The following HIPK2 variants were observed in gnomAD, a reference collection of about 807,000 sequenced individuals.
The protein encoded by HIPK2 is homeodomain interacting protein kinase 2.
In HIPK2, 27 loss-of-function variants were observed where a neutral mutation model predicts 113.7. The ratio of observed to expected loss-of-function variants is 0.24; its 90% CI spans 0.17 to 0.33. The LOEUF is 0.33. Among genes scored for constraint, HIPK2 ranks in the 10% least tolerant of loss-of-function variants. The pLI is 1.00. For missense variants in HIPK2, 1,257 were observed against 1,588.0 expected (o/e 0.79, Z 3.54); for synonymous variants, 631 against 642.2 (o/e 0.98, Z 0.26).
intron 2 of HIPK2, among the ~76,000 whole-genome samples, chr7:139,644,154 T>A (rs1253762582): frequency 6.6e-6 from 1 of 152,242 alleles, no homozygotes; most frequent in Non-Finnish European, 1.5e-5. Context: ...CCAGGCTCTT[T>A]TTAAATGTTT....
At chr7:139,601,222 G>A (rs1276326050) in intron 10 of HIPK2, among the ~76,000 whole-genome samples, 1 of 149,310 alleles carries the variant, frequency 6.7e-6, no homozygotes, top group African/African-American at 2.5e-5. Context: ...CAGCCTGGGT[G>A]ACAGAGCGAG....
At chr7:139,588,499 C>T (rs1798911655) in intron 12 of HIPK2, among the ~76,000 whole-genome samples, 1 of 137,024 alleles carries the variant, frequency 7.3e-6, no homozygotes, top group African/African-American at 3.0e-5. Context: ...CGGGGTGACA[C>T]AGCCAGACTG....
intron 13 of HIPK2, among the ~76,000 whole-genome samples, chr7:139,576,104 G>A (rs905456512): frequency 2.6e-5 from 4 of 152,212 alleles, no homozygotes; most frequent in Non-Finnish European, 5.9e-5. Flanking sequence ...GTCTGTGGTG[G>A]GACCTAATAA....
At chr7:139,575,093 C>G (rs188079165) in intron 14 of HIPK2, 35 bp downstream of exon 14, 1 of 1,558,154 alleles carries the variant, frequency 6.4e-7, no homozygotes, top group Non-Finnish European at 8.7e-7. Context: ...GGATGGGGGC[C>G]CTGCCTGGCC....
In HIPK2 at chr7:139,714,472, C is replaced by T. The variant is rs979336875; in HGVS notation, c.1103+1460G>A. ...AGACTTGCAACAGCTCTGCCTGCAG[C>T]CAGGATGGGGGCCCGGACAGGGAGC... On this transcript the variant is annotated intron_variant, in intron 2 of 14. Transcript: ENST00000406875. The surrounding 1 kb of genome is among the most constrained non-coding windows in gnomAD (Gnocchi z 4.2). 1.3e-5 allele frequency among the ~76,000 whole-genome samples: 2 copies of T among 152,132 alleles called. No individual in the cohort carries two copies. The highest frequency in any genetic ancestry group is 2.9e-5 in the Non-Finnish European group (2 of 68,018).
intron 2 of HIPK2, among the ~76,000 whole-genome samples, chr7:139,668,126 C>CAAAA (rs35566561): frequency 3.6e-5 from 2 of 55,652 alleles, no homozygotes. Flanking sequence ...AACTCCATCT[C>CAAAA]AAAAAAAAAA....
At chr7:139,580,704 G>A (rs1798639852) in intron 13 of HIPK2, among the ~76,000 whole-genome samples, 1 of 152,216 alleles carries the variant, frequency 6.6e-6, no homozygotes, top group Non-Finnish European at 1.5e-5. Flanking sequence ...GGGAAGGCTG[G>A]TCAACCCCTC....
chr7:139,737,057 C>T (rs780123528), intron 1 of HIPK2, among the ~76,000 whole-genome samples: 2 of 152,122 alleles, frequency 1.3e-5, no homozygotes, highest in Non-Finnish European at 2.9e-5. Context: ...CTTTTCATTC[C>T]GTTTTAGTTA....
At chr7:139,593,319 AGCTAGTGCG>A (rs1234421627) in intron 12 of HIPK2, among the ~76,000 whole-genome samples, 1 of 152,150 alleles carries the variant, frequency 6.6e-6, no homozygotes, top group African/African-American at 2.4e-5. Context: ...ATGATGGAGG[AGCTAGTGCG>A]GGTGGAACAC....
chr7:139,654,685 C>T (rs1218023467), intron 2 of HIPK2, among the ~76,000 whole-genome samples: 1 of 152,094 alleles, frequency 6.6e-6, no homozygotes, highest in African/African-American at 2.4e-5. Flanking sequence ...GGGTTGCAGT[C>T]AGTAGCAAGA....
At chr7:139,627,807 G>A (rs1800483719) in intron 5 of HIPK2, among the ~76,000 whole-genome samples, 1 of 152,220 alleles carries the variant, frequency 6.6e-6, no homozygotes, top group Non-Finnish European at 1.5e-5. Context: ...AATAGCTGAA[G>A]TTCTAGAATT....
At chr7:139,586,868 G>A (rs1311562232) in intron 12 of HIPK2, among the ~76,000 whole-genome samples, 2 of 152,142 alleles carry the variant, frequency 1.3e-5, no homozygotes, top group Non-Finnish European at 2.9e-5. Flanking sequence ...CTACATATAT[G>A]AAATATCTAG....
chr7:139,733,410 C>T (rs1795850255), intron 1 of HIPK2, among the ~76,000 whole-genome samples: 1 of 152,170 alleles, frequency 6.6e-6, no homozygotes, highest in Non-Finnish European at 1.5e-5. Context: ...AACATTTTAA[C>T]CAAAAGCACT....
At chr7:139,575,367 T>C (rs1798455666) in intron 13 of HIPK2, 79 bp from the exon 14 acceptor site, 2 of 1,450,878 alleles carry the variant, frequency 1.4e-6, no homozygotes, top group African/African-American at 1.4e-5. Flanking sequence ...CAGAGAACAG[T>C]GGTCTTCCAG....
intron 11 of HIPK2, among the ~76,000 whole-genome samples, chr7:139,597,591 A>G (rs1246372864): frequency 6.6e-6 from 1 of 152,246 alleles, no homozygotes; most frequent in Non-Finnish European, 1.5e-5. Context: ...CATGACCATC[A>G]AAGTATTTGT....
At chr7:139,748,336 C>A (rs889637766) in intron 1 of HIPK2, among the ~76,000 whole-genome samples, 2 of 152,090 alleles carry the variant, frequency 1.3e-5, no homozygotes, top group African/African-American at 4.8e-5. Flanking sequence ...TTTCCATGGG[C>A]CCTACGTTAC....
intron 9 of HIPK2, among the ~76,000 whole-genome samples, chr7:139,612,286 A>G (rs1799861617): frequency 6.6e-6 from 1 of 152,216 alleles, no homozygotes; most frequent in Non-Finnish European, 1.5e-5. Context: ...TCTTTGGGAA[A>G]AGCCTTTGTG....
chr7:139,654,201 C>T (rs75112241), intron 2 of HIPK2, among the ~76,000 whole-genome samples: 10,740 of 152,190 alleles, frequency 0.071, 475 homozygotes, highest in South Asian at 0.18. Context: ...AAGTGAGGCT[C>T]TTAAACATCA....
intron 2 of HIPK2, among the ~76,000 whole-genome samples, chr7:139,713,999 C>T (rs1231247900): frequency 5.3e-5 from 8 of 152,330 alleles, no homozygotes. Context: ...TCCTTGGAGG[C>T]TCCTGCCCTG....
Sources: gnomAD v4.1 joint callset for allele counts (sites outside exome capture counted in the v4.1 genomes callset) on GRCh38, gnomAD v4.1.1 for gene constraint, Gnocchi (gnomAD v3.1) non-coding constraint, MANE v1.5 for transcripts, NCBI Gene and HGNC (gene_info 2026-07-23, HGNC 2026-07-21) for gene names.